Variants in TMEM131L observed in about 807,000 individuals in gnomAD.
The protein encoded by TMEM131L is transmembrane 131 like, also known as transmembrane protein 131-like.
In TMEM131L, 54 loss-of-function variants were observed where a neutral mutation model predicts 192.2. The observed-to-expected ratio is 0.28, with a 90% CI of 0.23 to 0.35. TMEM131L has a LOEUF of 0.35. Ranked by LOEUF, TMEM131L falls within the 10% of genes least tolerant of loss-of-function variation. The pLI is 1.00. For missense variants in TMEM131L, 1,888 were observed against 1,972.9 expected (o/e 0.96, Z 0.82); for synonymous variants, 701 against 704.9 (o/e 0.99, Z 0.09).
chr4:153,544,246 T>C (rs1186851139), intron 3 of TMEM131L, among the ~76,000 whole-genome samples: 4 of 152,240 alleles, frequency 2.6e-5, no homozygotes, highest in Non-Finnish European at 1.5e-5. Context: ...ATGTAGGTGC[T>C]CACTGTTGTG....
At chr4:153,477,033 C>G (rs968252122) in intron 3 of TMEM131L, among the ~76,000 whole-genome samples, 1 of 152,070 alleles carries the variant, frequency 6.6e-6, no homozygotes, top group African/African-American at 2.4e-5. Context: ...ATGTTGATAT[C>G]AGGGTAGGGG....
intron 22 of TMEM131L, 47 bp downstream of exon 22, chr4:153,602,385 C>T (rs1221635791): frequency 6.3e-7 from 1 of 1,583,064 alleles, no homozygotes; most frequent in African/African-American, 1.4e-5. Context: ...GTGCGTTTAA[C>T]AATGTGAGGA....
chr4:153,596,300 C>A lies in TMEM131L; in HGVS notation c.2038C>A (p.His680Asn), dbSNP rs758373376. The change falls in exon 20 of 35, where the codon CAT becomes AAT. Residue 680 changes from histidine (H) to asparagine (N), a missense_variant. Coordinates refer to ENST00000409959, the MANE Select transcript of TMEM131L (RefSeq NM_001131007.2). ...ATCCAGGTTTGGCATCCTCCACTTA[C>A]ATCTGCAGCCTTTGGAAATGAAAAG... ...EESRFGILHL[H>N]LQPLEMKRVG... The A allele has an allele frequency of 3.1e-6, 5 of 1,613,888 alleles. 1 individual carries two copies. In the South Asian group the frequency reaches 5.5e-5, roughly 18 times the overall value.
intron 21 of TMEM131L, among the ~76,000 whole-genome samples, chr4:153,599,829 A>G (rs1731709028): frequency 6.6e-6 from 1 of 152,028 alleles, no homozygotes; most frequent in African/African-American, 2.4e-5. Flanking sequence ...AGGTTGAGGC[A>G]GGTGGATCAC....
intron 7 of TMEM131L, among the ~76,000 whole-genome samples, chr4:153,576,987 G>C (rs183134717): frequency 6.6e-6 from 1 of 152,258 alleles, no homozygotes; most frequent in East Asian, 1.9e-4. Flanking sequence ...TCCTGGCGTA[G>C]GTAGACCTTG....
At chr4:153,474,819 G>C (rs1053416012) in intron 3 of TMEM131L, among the ~76,000 whole-genome samples, 3 of 152,122 alleles carry the variant, frequency 2.0e-5, no homozygotes, top group Admixed American at 6.6e-5. Context: ...GCCTCCCATA[G>C]TGCTGGGATT....
intron 3 of TMEM131L, among the ~76,000 whole-genome samples, chr4:153,547,088 CAATT>C (rs1737237390): frequency 6.6e-6 from 1 of 152,122 alleles, no homozygotes; most frequent in African/African-American, 2.4e-5. Context: ...GCTGTAAAGT[CAATT>C]AAGCTGAAAT....
intron 3 of TMEM131L, among the ~76,000 whole-genome samples, chr4:153,537,203 C>G (rs1252212877): frequency 6.6e-6 from 1 of 152,206 alleles, no homozygotes; most frequent in Non-Finnish European, 1.5e-5. Flanking sequence ...CTTCTGATCA[C>G]AAGAGCATTA....
At chr4:153,525,521 A>G (rs1580135595) in intron 3 of TMEM131L, among the ~76,000 whole-genome samples, 1 of 152,010 alleles carries the variant, frequency 6.6e-6, no homozygotes, top group East Asian at 1.9e-4. Flanking sequence ...TGTATTTTTA[A>G]TAGAGACAGG....
intron 3 of TMEM131L, among the ~76,000 whole-genome samples, chr4:153,544,740 C>T (rs6535923): frequency 0.34 from 52,283 of 152,068 alleles, 10,606 homozygotes; most frequent in African/African-American, 0.58. Flanking sequence ...TGAGTTTCTC[C>T]GGTGGGTTTT....
intron 27 of TMEM131L, 63 bp downstream of exon 27, chr4:153,620,943 G>T: frequency 7.4e-7 from 1 of 1,356,252 alleles, no homozygotes; most frequent in East Asian, 2.6e-5. Context: ...TTTGCATTTG[G>T]CTATTCACTT....
chr4:153,523,009 T>G (rs572493193), intron 3 of TMEM131L, among the ~76,000 whole-genome samples: 13 of 152,346 alleles, frequency 8.5e-5, no homozygotes, highest in African/African-American at 3.1e-4. Flanking sequence ...TACATGGTAG[T>G]TAGACTTTAT....
intron 3 of TMEM131L, among the ~76,000 whole-genome samples, chr4:153,493,637 G>T (rs1732958234): frequency 6.6e-6 from 1 of 152,130 alleles, no homozygotes; most frequent in South Asian, 2.1e-4. Context: ...TCCAGTCTGG[G>T]CGATAGCACT....
At chr4:153,595,582 A>C (rs1247275637) in intron 19 of TMEM131L, among the ~76,000 whole-genome samples, 2 of 152,156 alleles carry the variant, frequency 1.3e-5, no homozygotes, top group African/African-American at 4.8e-5. Flanking sequence ...TATTAGCTCT[A>C]AGAAGTGATA....
intron 3 of TMEM131L, among the ~76,000 whole-genome samples, chr4:153,518,284 C>A (rs1362871124): frequency 6.6e-6 from 1 of 152,210 alleles, no homozygotes; most frequent in Non-Finnish European, 1.5e-5. Flanking sequence ...TTCCCGAGCA[C>A]TTCTTGTGGG....
At chr4:153,518,323 T>G (rs190227141) in intron 3 of TMEM131L, among the ~76,000 whole-genome samples, 24 of 152,258 alleles carry the variant, frequency 1.6e-4, no homozygotes, top group Non-Finnish European at 4.4e-5. Flanking sequence ...AAAGACAGTG[T>G]TTTTGCTATA....
At chr4:153,528,692 T>C (rs1360625926) in intron 3 of TMEM131L, among the ~76,000 whole-genome samples, 1 of 152,184 alleles carries the variant, frequency 6.6e-6, no homozygotes, top group Non-Finnish European at 1.5e-5. Flanking sequence ...AAAGTTGCTG[T>C]TCCACAAGCA....
chr4:153,605,589 G>C (rs75259833), intron 25 of TMEM131L, among the ~76,000 whole-genome samples: 4,135 of 152,206 alleles, frequency 0.027, 54 homozygotes, highest in Middle Eastern at 0.037. Context: ...GGCTGAGCTC[G>C]AGCAATCTGC....
intron 3 of TMEM131L, among the ~76,000 whole-genome samples, chr4:153,504,393 C>T (rs1178931541): frequency 2.1e-5 from 3 of 144,966 alleles, no homozygotes; most frequent in Non-Finnish European, 4.5e-5. Flanking sequence ...GGTTGTCCTG[C>T]CTTAGCCTCC....
Sources: allele counts gnomAD v4.1 joint callset (sites outside exome capture counted in the v4.1 genomes callset), GRCh38; gene constraint gnomAD v4.1.1; transcripts MANE v1.5; gene names NCBI Gene and HGNC (gene_info 2026-07-23, HGNC 2026-07-21).